Variants in RNF152 observed in about 807,000 individuals in gnomAD.
RNF152 encodes the protein E3 ubiquitin-protein ligase RNF152.
A neutral mutation model predicts 12.7 loss-of-function variants in RNF152; 11 were observed. The observed-to-expected ratio is 0.86, with a 90% CI of 0.54 to 1.43. The LOEUF (loss-of-function observed/expected upper bound fraction) is 1.43. RNF152 is among the 40% of genes most tolerant of loss of function. The pLI is 0.00. For missense variants in RNF152, 255 were observed against 274.8 expected (o/e 0.93, Z 0.51); for synonymous variants, 113 against 120.3 (o/e 0.94, Z 0.40).
At chr18:61,832,850 C>T (rs1174889262) in intron 1 of RNF152, among the ~76,000 whole-genome samples, 1 of 152,218 alleles carries the variant, frequency 6.6e-6, no homozygotes, top group East Asian at 1.9e-4. Flanking sequence ...AATTAGATGA[C>T]AATACATCTT....
chr18:61,833,336 A>G (rs1451434768), intron 1 of RNF152, among the ~76,000 whole-genome samples: 3 of 152,228 alleles, frequency 2.0e-5, no homozygotes, highest in African/African-American at 7.2e-5. Flanking sequence ...GTAACTTAAA[A>G]TAAAACAAGG....
At position 61,843,434 on chromosome 18, in the gene RNF152, G is replaced by A. The variant is rs76472121; in HGVS notation, c.-135-26836C>T. ...AAAAATAAAATCACCCTATCATCCA[G>A]CAATTCCACCTCTGAGTATTTACCC... On this transcript the variant is annotated intron_variant, in intron 1 of 1. Coordinates refer to ENST00000312828, the MANE Select transcript of RNF152 (RefSeq NM_173557.3). Among the ~76,000 whole-genome samples, 828 of 152,314 alleles carry A rather than the reference G, an allele frequency of 5.4e-3. 9 individuals are homozygous for A. Among genetic ancestry groups the A allele is most frequent in the African/African-American group, 0.019 (793 of 41,560 alleles).
At chr18:61,876,265 G>A (rs150239694) in intron 1 of RNF152, among the ~76,000 whole-genome samples, 2 of 152,232 alleles carry the variant, frequency 1.3e-5, no homozygotes, top group African/African-American at 2.4e-5. Context: ...TATACCACCT[G>A]GCAATTGCAT....
At chr18:61,851,089 T>C (rs1053185045) in intron 1 of RNF152, among the ~76,000 whole-genome samples, 4 of 134,480 alleles carry the variant, frequency 3.0e-5, no homozygotes, top group African/African-American at 1.0e-4. Context: ...TCCACAATGA[T>C]TAAAAAAAAA....
chr18:61,851,421 G>T (rs111590179), intron 1 of RNF152, among the ~76,000 whole-genome samples: 12 of 151,520 alleles, frequency 7.9e-5, no homozygotes, highest in African/African-American at 2.4e-4. Flanking sequence ...TTACCCAAGC[G>T]CCTGAGCTGC....
chr18:61,840,194 C>A (rs1022377467), intron 1 of RNF152, among the ~76,000 whole-genome samples: 1 of 152,194 alleles, frequency 6.6e-6, no homozygotes, highest in Admixed American at 6.5e-5. Context: ...TGGGCTCTTA[C>A]CAGACACTGA....
At chr18:61,875,045 A>C (rs1568291404) in intron 1 of RNF152, 1 of 152,302 alleles carries the variant, frequency 6.6e-6, no homozygotes, top group Admixed American at 6.5e-5. Context: ...AAGATGTTGG[A>C]GGCAGCAAAG....
intron 1 of RNF152, among the ~76,000 whole-genome samples, chr18:61,816,921 C>A (rs1909129929): frequency 1.3e-5 from 2 of 152,156 alleles, no homozygotes; most frequent in African/African-American, 4.8e-5. Flanking sequence ...CTGGGTCATC[C>A]TTCTAAAATA....
chr18:61,870,491 G>C (rs900541909), intron 1 of RNF152, among the ~76,000 whole-genome samples: 2 of 152,216 alleles, frequency 1.3e-5, no homozygotes. Flanking sequence ...GCTGTCCCTC[G>C]AGAGAAGGCT....
intron 1 of RNF152, among the ~76,000 whole-genome samples, chr18:61,835,048 C>T (rs1250270548): frequency 2.0e-5 from 3 of 152,066 alleles, no homozygotes; most frequent in Admixed American, 1.3e-4. Context: ...TAACAATTTG[C>T]CCCAAAATAG....
At chr18:61,850,980 A>G (rs1255680609) in intron 1 of RNF152, among the ~76,000 whole-genome samples, 2 of 152,072 alleles carry the variant, frequency 1.3e-5, no homozygotes, top group Non-Finnish European at 2.9e-5. Context: ...TGTGTAGCCA[A>G]TCAAATTAGA....
rs144432502 is a variant in RNF152 at position 61,817,437 on chromosome 18, C to G, written c.-135-839G>C. 2.8e-3 allele frequency among the ~76,000 whole-genome samples: 423 copies of G among 152,262 alleles called. 1 individual carries two copies. The highest frequency in any genetic ancestry group is 9.6e-3 in the African/African-American group (397 of 41,544). On this transcript the variant is annotated intron_variant, in intron 1 of 1. Transcript: ENST00000312828. Reference sequence around the variant, plus strand: ...TGAACCACATGGATCCACTTAAGTACGAATTTTTTGAATAGATACGGTCAG... The same window carrying G: ...TGAACCACATGGATCCACTTAAGTAGGAATTTTTTGAATAGATACGGTCAG...
intron 1 of RNF152, among the ~76,000 whole-genome samples, chr18:61,840,005 G>A (rs776569090): frequency 2.0e-5 from 3 of 152,196 alleles, no homozygotes; most frequent in Non-Finnish European, 2.9e-5. Context: ...AGTGAAAAAT[G>A]TCAGTTAGAA....
intron 1 of RNF152, among the ~76,000 whole-genome samples, chr18:61,861,408 T>C (rs1218298982): frequency 6.6e-6 from 1 of 152,240 alleles, no homozygotes; most frequent in East Asian, 1.9e-4. Context: ...TTTGCAGCCT[T>C]GGAGCAATGG....
At chr18:61,879,589 G>T (rs760630189) in intron 1 of RNF152, among the ~76,000 whole-genome samples, 3 of 152,166 alleles carry the variant, frequency 2.0e-5, no homozygotes, top group Non-Finnish European at 4.4e-5. Context: ...AAAGGAATGG[G>T]AATACAAAAG....
At chr18:61,830,184 G>A (rs1909874456) in intron 1 of RNF152, among the ~76,000 whole-genome samples, 1 of 151,980 alleles carries the variant, frequency 6.6e-6, no homozygotes, top group African/African-American at 2.4e-5. Context: ...ACTGTAGTCT[G>A]GCTAATTTTT....
upstream of RNF152, chr18:61,893,090 A>G (rs1418209847): frequency 6.6e-6 from 1 of 152,372 alleles, no homozygotes; most frequent in East Asian, 1.9e-4. Flanking sequence ...AATTGTCTCT[A>G]CAGGATAAAT....
chr18:61,835,017 C>T (rs896271550), intron 1 of RNF152, among the ~76,000 whole-genome samples: 3 of 152,154 alleles, frequency 2.0e-5, no homozygotes, highest in Non-Finnish European at 1.5e-5. Context: ...GATAATTTCT[C>T]ACTCCAACTA....
intron 1 of RNF152, among the ~76,000 whole-genome samples, chr18:61,864,951 C>A (rs901034866): frequency 6.6e-6 from 1 of 151,964 alleles, no homozygotes; most frequent in African/African-American, 2.4e-5. Flanking sequence ...ACCCAGGAGG[C>A]GGAGGTTGCA....
Sources: gnomAD v4.1 joint callset for allele counts (sites outside exome capture counted in the v4.1 genomes callset) on GRCh38, gnomAD v4.1.1 for gene constraint, MANE v1.5 for transcripts, NCBI Gene and HGNC (gene_info 2026-07-23, HGNC 2026-07-21) for gene names.